The following NRCAM variants were observed in gnomAD, a reference collection of about 807,000 sequenced individuals.
The protein encoded by NRCAM is NgCAM-related cell adhesion molecule.
In NRCAM, 83 loss-of-function variants were observed where a neutral mutation model predicts 156.5. The ratio of observed to expected loss-of-function variants is 0.53; its 90% confidence interval spans 0.44 to 0.64. The LOEUF (loss-of-function observed/expected upper bound fraction) is 0.64. Among genes scored for constraint, NRCAM ranks in the 30% least tolerant of loss-of-function variants. The pLI is 0.00. For missense variants in NRCAM, 1,417 were observed against 1,597.3 expected, an observed-to-expected ratio of 0.89 and a Z score of 1.92; for synonymous variants, 538 against 563.9, an observed-to-expected ratio of 0.95 and a Z score of 0.65.
chr7:108,174,722 G>A (rs2059827239), intron 28 of NRCAM, among the ~76,000 whole-genome samples: 1 of 152,260 alleles, frequency 6.6e-6, no homozygotes, highest in South Asian at 2.1e-4. Flanking sequence ...GTTGGGTGAA[G>A]ACAGGATGGG....
intron 2 of NRCAM, among the ~76,000 whole-genome samples, chr7:108,316,028 T>C (rs1049105215): frequency 1.3e-5 from 2 of 152,210 alleles, no homozygotes; most frequent in Non-Finnish European, 2.9e-5. Flanking sequence ...TGGTACACAG[T>C]TGCTATGGTT....
Position 108,449,853 on chromosome 7 carries a change from T to C in NRCAM, c.-332+6390A>G, listed in dbSNP as rs113451213. ...AAAGATAAATCAAATTCATTGCATA[T>C]TACCCAGTGGAAGACCTCCTACAGG... On this transcript the variant is annotated intron_variant, in intron 1 of 32. Transcript: ENST00000379028. Among the ~76,000 whole-genome samples, 1,060 of 152,176 alleles carry C rather than the reference T, an allele frequency of 7.0e-3. 19 individuals carry two copies. Among genetic ancestry groups the C allele is most frequent in the African/African-American group, 0.024 (993 of 41,524 alleles).
chr7:108,297,859 T>C (rs1202677975), intron 3 of NRCAM, among the ~76,000 whole-genome samples: 3 of 152,108 alleles, frequency 2.0e-5, no homozygotes, highest in African/African-American at 4.8e-5. Context: ...AGGAAATAAC[T>C]CACCAGAAAA....
chr7:108,270,987 G>C (rs1469503062), intron 3 of NRCAM, among the ~76,000 whole-genome samples: 1 of 152,172 alleles, frequency 6.6e-6, no homozygotes, highest in Non-Finnish European at 1.5e-5. Context: ...TAATGCTACA[G>C]AACTATACAC....
chr7:108,316,684 T>C (rs1386435730), intron 2 of NRCAM, among the ~76,000 whole-genome samples: 3 of 150,912 alleles, frequency 2.0e-5, no homozygotes, highest in African/African-American at 7.3e-5. Context: ...ACTCAGGAGG[T>C]TGAGGCAGAA....
intron 2 of NRCAM, among the ~76,000 whole-genome samples, chr7:108,363,912 G>A (rs546838895): frequency 6.6e-6 from 1 of 152,032 alleles, no homozygotes; most frequent in Non-Finnish European, 1.5e-5. Flanking sequence ...AGGATCCTAG[G>A]GAGACATAAC....
intron 2 of NRCAM, among the ~76,000 whole-genome samples, chr7:108,330,040 G>T (rs897290297): frequency 5.3e-5 from 8 of 152,132 alleles, no homozygotes; most frequent in African/African-American, 1.9e-4. Flanking sequence ...ATAATCAGCT[G>T]CCTAGTCATT....
chr7:108,383,640 T>G (rs2099713402), intron 2 of NRCAM, among the ~76,000 whole-genome samples: 1 of 152,194 alleles, frequency 6.6e-6, no homozygotes, highest in Non-Finnish European at 1.5e-5. Context: ...GATTGAGAAA[T>G]TTGAATAAAA....
chr7:108,391,460 A>G (rs1444684886), intron 2 of NRCAM, among the ~76,000 whole-genome samples: 2 of 151,668 alleles, frequency 1.3e-5, no homozygotes, highest in East Asian at 1.9e-4. Context: ...TTTTGAGCCT[A>G]TGTGTGTCTC....
chr7:108,153,018 G>T (rs1470445505), intron 32 of NRCAM, among the ~76,000 whole-genome samples: 1 of 152,140 alleles, frequency 6.6e-6, no homozygotes, highest in African/African-American at 2.4e-5. Context: ...GGAGCATGTT[G>T]GGAGGGGAAA....
At chr7:108,244,671 G>A (rs1264428834) in intron 3 of NRCAM, among the ~76,000 whole-genome samples, 1 of 152,130 alleles carries the variant, frequency 6.6e-6, no homozygotes. Flanking sequence ...AGATGATAAT[G>A]ATCAAACAAG....
intron 2 of NRCAM, among the ~76,000 whole-genome samples, chr7:108,391,497 C>G (rs1292412631): frequency 6.6e-6 from 1 of 151,914 alleles, no homozygotes; most frequent in African/African-American, 2.4e-5. Flanking sequence ...TTCCTGAATA[C>G]AGCACACTGA....
chr7:108,304,298 C>T (rs766361248), intron 3 of NRCAM, among the ~76,000 whole-genome samples: 30 of 152,168 alleles, frequency 2.0e-4, no homozygotes, highest in Non-Finnish European at 4.4e-5. Flanking sequence ...CTTGGTTAGT[C>T]TCCCAGTACC....
Position 108,147,724 on chromosome 7 carries a change from A to G in NRCAM, c.*2186T>C, listed in dbSNP as rs2039556703. 1 of 152,440 alleles carries G rather than the reference A, an allele frequency of 6.6e-6. No homozygotes were observed. The highest frequency in any genetic ancestry group is 2.1e-4 in the South Asian group (1 of 4,834). The allele number at this position is 152,440 out of a possible 1,614,324, so 9.4% of individuals were successfully genotyped here. Reference sequence around the variant, plus strand: ...ATTTGCCTGTACCATTACATACACCATTACTTGGACATTCACACTCAATTG... The same window carrying G: ...ATTTGCCTGTACCATTACATACACCGTTACTTGGACATTCACACTCAATTG... On this transcript the variant is annotated 3_prime_UTR_variant, in exon 33 of 33. Coordinates refer to ENST00000379028, the MANE Select transcript of NRCAM (RefSeq NM_001037132.4).
chr7:108,402,692 T>C (rs1333868221), intron 1 of NRCAM, among the ~76,000 whole-genome samples: 1 of 152,188 alleles, frequency 6.6e-6, no homozygotes, highest in Non-Finnish European at 1.5e-5. Flanking sequence ...AGGTTCATAT[T>C]CTAATGTTAA....
At chr7:108,204,088 G>A (rs772068763) in intron 13 of NRCAM, among the ~76,000 whole-genome samples, 6 of 152,184 alleles carry the variant, frequency 3.9e-5, no homozygotes, top group Non-Finnish European at 7.3e-5. Context: ...GCAAGCACTG[G>A]TGCTCCGTTT....
At chr7:108,340,489 G>A (rs963597797) in intron 2 of NRCAM, among the ~76,000 whole-genome samples, 2 of 152,164 alleles carry the variant, frequency 1.3e-5, no homozygotes, top group African/African-American at 4.8e-5. Flanking sequence ...CATAACTGCA[G>A]CCCGAGAGTT....
chr7:108,434,896 A>G (rs1830218984), intron 1 of NRCAM, among the ~76,000 whole-genome samples: 1 of 152,216 alleles, frequency 6.6e-6, no homozygotes, highest in Non-Finnish European at 1.5e-5. Context: ...AAACAATAGC[A>G]ACAGCTACAA....
At chr7:108,451,102 C>T (rs1220946527) in intron 1 of NRCAM, among the ~76,000 whole-genome samples, 1 of 151,648 alleles carries the variant, frequency 6.6e-6, no homozygotes, top group Non-Finnish European at 1.5e-5. Flanking sequence ...GCCTGTAATC[C>T]CAGGTAATCA....
Sources: gnomAD v4.1 joint callset for allele counts (sites outside exome capture counted in the v4.1 genomes callset) on GRCh38, gnomAD v4.1.1 for gene constraint, MANE v1.5 for transcripts, NCBI Gene and HGNC (gene_info 2026-07-23, HGNC 2026-07-21) for gene names.